Variants in ANKRD36 observed in about 807,000 individuals in gnomAD.
ANKRD36 encodes ankyrin repeat domain 36, also known as ankyrin repeat domain-containing protein 36A.
A neutral mutation model predicts 278.1 loss-of-function variants in ANKRD36; 179 were observed. That is an observed-to-expected ratio of 0.64 (90% confidence interval 0.57 to 0.73). ANKRD36 has a LOEUF of 0.73. ANKRD36 is among the 30% of genes least tolerant of loss of function. The pLI is 0.00. For synonymous variants in ANKRD36, 320 were observed against 641.1 expected (o/e 0.50, Z 7.57); for missense variants, 1,159 against 1,956.7 (o/e 0.59, Z 7.69).
intron 22 of ANKRD36, among the ~76,000 whole-genome samples, chr2:97,178,443 G>A (rs994253109): frequency 1.2e-4 from 18 of 151,782 alleles, no homozygotes; most frequent in Non-Finnish European, 1.9e-4. Flanking sequence ...GTCCAACAAT[G>A]ATAGACTGGA....
chr2:97,204,217 T>G lies in ANKRD36; in HGVS notation c.3015T>G (p.Val1005=). 1 of 1,583,974 alleles carries G rather than the reference T, an allele frequency of 6.3e-7. No individual in the cohort carries two copies. Among genetic ancestry groups the G allele is most frequent in the Non-Finnish European group, 8.6e-7 (1 of 1,167,268 alleles). Residue 1005 remains valine, a synonymous_variant, in exon 50 of 76, where the codon GTT becomes GTG. Transcript: ENST00000420699. ...CTACAAGTGATGAGAAAGATTCTGT[T>G]TTGAATATAGCCAGAGGAAAAAAGG... ...LKATSDEKDS[V]LNIARGKKDG...
intron 6 of ANKRD36, among the ~76,000 whole-genome samples, chr2:97,131,319 C>T (rs540726717): frequency 9.9e-5 from 15 of 151,812 alleles, no homozygotes; most frequent in African/African-American, 3.4e-4. Context: ...CCTCCTAAGT[C>T]GGTGAGACTG....
intron 52 of ANKRD36, 133 bp from the exon 53 acceptor site, chr2:97,207,678 C>T (rs1361344706): frequency 2.6e-5 from 37 of 1,402,534 alleles, no homozygotes; most frequent in Non-Finnish European, 3.1e-5. Flanking sequence ...AGTCCCCAGA[C>T]ACAAAGTAGA....
At chr2:97,122,379 C>T (rs1416198674) in intron 3 of ANKRD36, among the ~76,000 whole-genome samples, 2 of 150,028 alleles carry the variant, frequency 1.3e-5, no homozygotes, top group African/African-American at 4.9e-5. Flanking sequence ...CATGGAGTCT[C>T]TCTTTTGGGG....
At chr2:97,192,350 C>G (rs1375346192) in intron 36 of ANKRD36, among the ~76,000 whole-genome samples, 2 of 151,582 alleles carry the variant, frequency 1.3e-5, no homozygotes, top group African/African-American at 4.8e-5. Context: ...AGGACACTAC[C>G]CCTGAAGAGA....
At chr2:97,130,301 A>T (rs984668857) in intron 6 of ANKRD36, among the ~76,000 whole-genome samples, 5 of 152,082 alleles carry the variant, frequency 3.3e-5, no homozygotes, top group Non-Finnish European at 7.4e-5. Flanking sequence ...TTGTAGGGAC[A>T]TGGATGAAGC....
At chr2:97,187,455 T>C in intron 32 of ANKRD36, 54 bp downstream of exon 32, 2 of 568,228 alleles carry the variant, frequency 3.5e-6, no homozygotes, top group Non-Finnish European at 5.3e-6. Flanking sequence ...GAAAAGAACT[T>C]CTCTACCCCT....
At chr2:97,209,115 A>G (rs1250703954) in intron 54 of ANKRD36, among the ~76,000 whole-genome samples, 1 of 146,612 alleles carries the variant, frequency 6.8e-6, no homozygotes, top group Non-Finnish European at 1.5e-5. Context: ...AAAGATAATG[A>G]ATATTATCTA....
At chr2:97,148,871 C>T (rs77518520) in intron 11 of ANKRD36, among the ~76,000 whole-genome samples, 8 of 152,232 alleles carry the variant, frequency 5.3e-5, no homozygotes, top group Admixed American at 1.3e-4. Flanking sequence ...GAGAAGAGAC[C>T]GTGCCTTTTC....
intron 15 of ANKRD36, among the ~76,000 whole-genome samples, chr2:97,155,000 C>T (rs1195911812): frequency 2.1e-5 from 3 of 141,796 alleles, no homozygotes; most frequent in Non-Finnish European, 3.2e-5. Flanking sequence ...TACATAGTGA[C>T]AGGAAAATAT....
chr2:97,180,989 A>G (rs1316195888), intron 24 of ANKRD36, among the ~76,000 whole-genome samples: 1 of 151,740 alleles, frequency 6.6e-6, no homozygotes, highest in Non-Finnish European at 1.5e-5. Flanking sequence ...AGGCTAAACT[A>G]GTGGATACAA....
At chr2:97,183,545 A>T in intron 27 of ANKRD36, 37 bp from the exon 28 acceptor site, 2 of 1,552,478 alleles carry the variant, frequency 1.3e-6, no homozygotes, top group Non-Finnish European at 1.7e-6. Flanking sequence ...TGAAATATGT[A>T]TTATATATTG....
At chr2:97,210,089 G>A (rs1373547303) in intron 56 of ANKRD36, among the ~76,000 whole-genome samples, 1 of 151,858 alleles carries the variant, frequency 6.6e-6, no homozygotes, top group African/African-American at 2.4e-5. Flanking sequence ...TTGAAATTGG[G>A]AAGAAGAAAT....
chr2:97,230,909 G>T (rs2071753651), intron 67 of ANKRD36, among the ~76,000 whole-genome samples: 1 of 152,116 alleles, frequency 6.6e-6, no homozygotes, highest in Non-Finnish European at 1.5e-5. Context: ...GTCCACTCCA[G>T]ACCCTGTCTG....
At chr2:97,213,798 A>C (rs760481761) in intron 60 of ANKRD36, among the ~76,000 whole-genome samples, 184 bp downstream of exon 60, 1,960 of 151,210 alleles carry the variant, frequency 0.013, no homozygotes, top group Non-Finnish European at 0.021. Context: ...TGATCTTTGC[A>C]GTAAGATTAT....
At chr2:97,234,877 C>T (rs1367997336) in intron 68 of ANKRD36, among the ~76,000 whole-genome samples, 9 of 129,068 alleles carry the variant, frequency 7.0e-5, no homozygotes, top group Admixed American at 2.4e-4. Context: ...TGTTTTCTTA[C>T]GTGTTGAATT....
intron 22 of ANKRD36, among the ~76,000 whole-genome samples, chr2:97,177,568 G>T (rs546674965): frequency 2.0e-5 from 3 of 152,080 alleles, no homozygotes; most frequent in African/African-American, 7.2e-5. Flanking sequence ...AGAAAAACAA[G>T]CAATGGGGAA....
chr2:97,171,730 A>T (rs1168696885), intron 22 of ANKRD36, among the ~76,000 whole-genome samples: 5 of 151,832 alleles, frequency 3.3e-5, no homozygotes, highest in Non-Finnish European at 5.9e-5. Context: ...TGTAAAAAAA[A>T]AAACAAAAAC....
intron 1 of ANKRD36, among the ~76,000 whole-genome samples, chr2:97,114,315 G>T (rs1174415917): frequency 9.1e-6 from 1 of 109,798 alleles, no homozygotes; most frequent in Non-Finnish European, 1.9e-5. Flanking sequence ...GAATGGGGTG[G>T]GGGAAAGGGG....
Sources: gnomAD v4.1 joint callset for allele counts (sites outside exome capture counted in the v4.1 genomes callset) on GRCh38, gnomAD v4.1.1 for gene constraint, MANE v1.5 for transcripts, NCBI Gene and HGNC (gene_info 2026-07-23, HGNC 2026-07-21) for gene names.